NRXN2: variants seen among roughly 807,000 people sequenced by gnomAD.
NRXN2 encodes the protein neurexin-2-beta.
NRXN2 carries 29 observed loss-of-function variants against 128.8 expected under a neutral mutation model. That is an observed-to-expected ratio of 0.23 (90% CI 0.17 to 0.31). The LOEUF (loss-of-function observed/expected upper bound fraction) is 0.31, where lower values mean the gene tolerates loss of function less well. Ranked by LOEUF, NRXN2 falls within the 10% of genes least tolerant of loss-of-function variation. NRXN2 has a pLI of 1.00. For missense variants in NRXN2, 1,881 were observed against 2,452.6 expected (o/e 0.77, Z 4.92); for synonymous variants, 1,098 against 1,075.2 (o/e 1.02, Z -0.41).
chr11:64,607,306 T>C lies in NRXN2; in HGVS notation c.5029A>G (p.Ile1677Val), dbSNP rs1565154671. ...SYQVDQSRNY[I>V]SNSAQSNGAV... ...CCATTGCTCTGGGCCGAGTTACTGATGTAGTTTCGGCTCTGGTCCACCTGG... is the reference window on the plus strand; with the variant it reads ...CCATTGCTCTGGGCCGAGTTACTGACGTAGTTTCGGCTCTGGTCCACCTGG... Residue 1677 changes from isoleucine (I) to valine (V), a missense_variant, in exon 23 of 23, where the codon ATC (isoleucine) becomes GTC (valine). Coordinates refer to ENST00000265459, the MANE Select transcript of NRXN2 (RefSeq NM_015080.4). 1 of 1,613,944 alleles carries C rather than the reference T, an allele frequency of 6.2e-7. No homozygotes were observed. Among genetic ancestry groups the C allele is most frequent in the Non-Finnish European group, 8.5e-7 (1 of 1,179,942 alleles).
intron 7 of NRXN2, among the ~76,000 whole-genome samples, chr11:64,669,120 G>C (rs752207391): frequency 4.6e-5 from 7 of 152,176 alleles, no homozygotes; most frequent in Non-Finnish European, 8.8e-5. Flanking sequence ...CTGGGTGCTG[G>C]AAAGTCTTTC....
chr11:64,635,273 T>C lies in NRXN2; in HGVS notation c.3583A>G (p.Ile1195Val), dbSNP rs1204136041. ...SGLGDYLQLH[I>V]DQGTVGVIFN... ...GGGTTGGGGCCCAGGGTCCTTACGA[T>C]GTGCAGCTGCAGGTAGTCTCCAAGG... is the stretch of plus-strand genomic sequence containing the variant. The change falls in exon 18 of 23, where the codon ATC (isoleucine) becomes GTC (valine). Residue 1195 changes from isoleucine (I) to valine (V), a missense_variant and splice_region_variant. By Grantham distance (29) the Ile-to-Val change is conservative. Around this residue, in one of 7 missense-constraint regions of NRXN2, gnomAD observed 390 missense variants for 599.6 expected, o/e 0.65. Transcript: ENST00000265459. The surrounding 1 kb of genome is among the most constrained non-coding windows in gnomAD (Gnocchi z 4.8). The C allele has an allele frequency of 6.2e-7, 1 of 1,612,466 alleles. No individual in the cohort carries two copies. The highest frequency in any genetic ancestry group is 2.2e-5 in the East Asian group (1 of 44,880).
intron 2 of NRXN2, among the ~76,000 whole-genome samples, chr11:64,712,341 T>G (rs1383571230): frequency 1.5e-5 from 2 of 131,538 alleles, no homozygotes; most frequent in Non-Finnish European, 3.2e-5. Flanking sequence ...GCCCTCACGG[T>G]CTCACACGAG....
chr11:64,714,749 C>T lies in NRXN2; in HGVS notation c.-244-806G>A, dbSNP rs2057241096. On this transcript the variant is annotated intron_variant, in intron 1 of 22. Transcript: ENST00000265459. The surrounding 1 kb of genome is among the most constrained non-coding windows in gnomAD (Gnocchi z 4.5). ...CCCCTCAGTTCCCTCTGCCCACCCC[C>T]CACCCAAGATTGGGGGAGCCACCAG... Among the ~76,000 whole-genome samples, 2 of 152,114 alleles carry T rather than the reference C, an allele frequency of 1.3e-5. No individual in the cohort carries two copies. Among genetic ancestry groups the T allele is most frequent in the African/African-American group, 4.8e-5 (2 of 41,412 alleles).
chr11:64,658,271 G>A (rs1565326051), intron 11 of NRXN2, among the ~76,000 whole-genome samples: 1 of 152,208 alleles, frequency 6.6e-6, no homozygotes, highest in East Asian at 1.9e-4. Context: ...AAGTAGGGGG[G>A]AACTCACACT....
At position 64,651,390 on chromosome 11, in the gene NRXN2, T is replaced by C; in HGVS notation, c.2783A>G (p.Tyr928Cys). The C allele has an allele frequency of 1.9e-6, 3 of 1,614,142 alleles. No individual in the cohort carries two copies. The highest frequency in any genetic ancestry group is 2.5e-6 in the Non-Finnish European group (3 of 1,180,014). The change falls in exon 14 of 23, where the codon TAC becomes TGC. Residue 928 changes from tyrosine to cysteine, a missense_variant. Coordinates refer to ENST00000265459, the MANE Select transcript of NRXN2 (RefSeq NM_015080.4). This position sits in a 1 kb window ranked among gnomAD's most constrained non-coding sequence, Gnocchi z 5.9. ...DPVTFKSRSSYLALATLQAYA... is the reference protein window; with the variant it reads ...DPVTFKSRSSCLALATLQAYA... ...GGCTTGGAGCGTGGCGAGTGCCAGG[T>C]AGCTGCTGCGACTCTTGAAGGTGAC...
At chr11:64,711,474 C>A (rs1279043560) in intron 2 of NRXN2, among the ~76,000 whole-genome samples, 1 of 152,170 alleles carries the variant, frequency 6.6e-6, no homozygotes. Flanking sequence ...CCCAGTGCTT[C>A]CTCTCCTCAG....
rs777023306 is a variant in NRXN2, at chr11:64,652,153, A to G, written c.2418T>C (p.Ser806=). ...LDCLRVGCAP[S]KGPETLFAGH... ...CCGCAAACAGCGTTTCGGGGCCTTT[A>G]CCTGCGGCACCAAGGGGGGAATGAG... is the stretch of plus-strand genomic sequence containing the variant. The change falls in exon 13 of 23, where the codon AGT becomes AGC. Residue 806 remains serine, a splice_region_variant and synonymous_variant. Coordinates refer to ENST00000265459, the MANE Select transcript of NRXN2 (RefSeq NM_015080.4). The G allele has an allele frequency of 6.2e-7, 1 of 1,611,410 alleles. No homozygotes were observed. Among genetic ancestry groups the G allele is most frequent in the Non-Finnish European group, 8.5e-7 (1 of 1,179,708 alleles).
intron 5 of NRXN2, chr11:64,688,359 C>T: frequency 1.0e-6 from 1 of 985,308 alleles, no homozygotes; most frequent in Non-Finnish European, 1.2e-6. Context: ...AACCTGAAAG[C>T]CTTCGAGAAG....
chr11:64,616,060 G>A (rs964832285), intron 22 of NRXN2, among the ~76,000 whole-genome samples: 1 of 152,150 alleles, frequency 6.6e-6, no homozygotes, highest in Non-Finnish European at 1.5e-5. Flanking sequence ...TATAGGGGCG[G>A]GCTTGGTGGG....
intron 15 of NRXN2, among the ~76,000 whole-genome samples, chr11:64,649,684 G>A (rs899685464): frequency 2.0e-5 from 3 of 152,182 alleles, no homozygotes; most frequent in Non-Finnish European, 2.9e-5. Context: ...TTAATTCCAT[G>A]GTCTCTGAGG....
Position 64,713,228 on chromosome 11 carries a change from CG to C in NRXN2, c.471del (p.Asp158ThrfsTer9). The C allele has an allele frequency of 1.4e-6, 2 of 1,464,756 alleles. No individual in the cohort carries two copies. The highest frequency in any genetic ancestry group is 1.8e-6 in the Non-Finnish European group (2 of 1,112,064). The allele number at this position is 1,464,756 out of a possible 1,614,324, so 90.7% of individuals were successfully genotyped here. A position where few individuals can be genotyped will look rare whatever the true frequency, so the allele number is the denominator to read the frequency against. The stretch of plus-strand genomic sequence containing the variant: ...AGCGTAAGCGCCGAGAGGCGCACGT[CG>C]GGCGGGATGCCGCCCACGAACAGGT... ...ASDLFVGGIP[P>X]DVRLSALTLS... On this transcript the variant is annotated frameshift_variant, in exon 2 of 23. Transcript: ENST00000265459. LOFTEE classifies it high-confidence loss of function.
intron 7 of NRXN2, among the ~76,000 whole-genome samples, chr11:64,674,945 T>C (rs760047973): frequency 1.3e-5 from 2 of 152,260 alleles, no homozygotes; most frequent in Non-Finnish European, 2.9e-5. Flanking sequence ...TGAGCTTTAG[T>C]AGACTCAGCC....
intron 7 of NRXN2, among the ~76,000 whole-genome samples, chr11:64,672,358 G>C (rs538219641): frequency 6.6e-5 from 10 of 152,236 alleles, no homozygotes; most frequent in Non-Finnish European, 1.2e-4. Context: ...CATGCCTTAG[G>C]AAGAAAGGCT....
chr11:64,713,030 G>C lies in NRXN2; in HGVS notation c.670C>G (p.Pro224Ala). ...ANGGLCTVLA[P>A]GEVGCDCSHT... Reference sequence around the variant, plus strand: ...CTGCAGTCGCAGCCCACCTCGCCGGGGGCCAGCACGGTGCAGAGGCCGCCG... The same window carrying C: ...CTGCAGTCGCAGCCCACCTCGCCGGCGGCCAGCACGGTGCAGAGGCCGCCG... Residue 224 changes from proline (P) to alanine (A), a missense_variant, in exon 2 of 23, where the codon CCC (proline) becomes GCC (alanine). Coordinates refer to ENST00000265459, the MANE Select transcript of NRXN2 (RefSeq NM_015080.4). 1 of 1,457,412 alleles carries C rather than the reference G, an allele frequency of 6.9e-7. No individual in the cohort carries two copies. The highest frequency in any genetic ancestry group is 2.3e-5 in the Admixed American group (1 of 42,622). The allele number at this position is 1,457,412 out of a possible 1,614,324, so 90.3% of individuals were successfully genotyped here. A position where few individuals can be genotyped will look rare whatever the true frequency, so the allele number is the denominator to read the frequency against.
At chr11:64,616,899 C>T (rs763073119) in intron 22 of NRXN2, among the ~76,000 whole-genome samples, 1 of 152,168 alleles carries the variant, frequency 6.6e-6, no homozygotes, top group East Asian at 1.9e-4. Context: ...TAGGTGCACA[C>T]GTGTGCATCT....
chr11:64,655,502 G>C (rs1392744194), intron 11 of NRXN2, among the ~76,000 whole-genome samples: 1 of 152,072 alleles, frequency 6.6e-6, no homozygotes, highest in African/African-American at 2.4e-5. Context: ...TCAGGTCACG[G>C]GGGCTCTCTC....
Position 64,697,889 on chromosome 11 carries a change from G to A in NRXN2, c.731-97C>T. ...CACGGACAGGGGCTCCAAGGGGAGA[G>A]AGGAGTCCAAGCCCACCCAGGCCCT... On this transcript the variant is annotated intron_variant, in intron 2 of 22. Coordinates refer to ENST00000265459, the MANE Select transcript of NRXN2 (RefSeq NM_015080.4). 2.1e-6 allele frequency: 3 copies of A among 1,462,028 alleles called. No homozygotes were observed. The South Asian group carries it at 3.5e-5, about 17-fold the overall frequency. The allele number at this position is 1,462,028 out of a possible 1,614,324, so 90.6% of individuals were successfully genotyped here.
At chr11:64,671,874 T>G (rs1054768653) in intron 7 of NRXN2, among the ~76,000 whole-genome samples, 1 of 151,340 alleles carries the variant, frequency 6.6e-6, no homozygotes. Context: ...CACCACCCAT[T>G]CGCCACCGAT....
Sources: allele counts gnomAD v4.1 joint callset (sites outside exome capture counted in the v4.1 genomes callset), GRCh38; gene constraint gnomAD v4.1.1; regional missense constraint gnomAD v4.1.1; non-coding constraint Gnocchi (gnomAD v3.1); transcripts MANE v1.5; gene names NCBI Gene and HGNC (gene_info 2026-07-23, HGNC 2026-07-21).